Variants in TENM2 observed in about 807,000 individuals in gnomAD.
TENM2 encodes teneurin transmembrane protein 2.
In TENM2, 52 loss-of-function variants were observed where a neutral mutation model predicts 245.2. The observed-to-expected ratio is 0.21, with a 90% CI of 0.17 to 0.27. The LOEUF is 0.27. Among genes scored for constraint, TENM2 ranks in the 10% least tolerant of loss-of-function variants. The pLI is 1.00. For synonymous variants in TENM2, 1,363 were observed against 1,438.9 expected (o/e 0.95, Z 1.19); for missense variants, 3,046 against 3,666.8 (o/e 0.83, Z 4.37).
intron 1 of TENM2, among the ~76,000 whole-genome samples, chr5:167,326,197 C>G (rs1338942101): frequency 6.6e-6 from 1 of 152,000 alleles, no homozygotes; most frequent in Non-Finnish European, 1.5e-5. Context: ...GGGAAACTGT[C>G]CTATAAGATC....
intron 5 of TENM2, among the ~76,000 whole-genome samples, chr5:168,042,187 G>T (rs2152013826): frequency 6.6e-6 from 1 of 152,218 alleles, no homozygotes; most frequent in South Asian, 2.1e-4. Flanking sequence ...TGAGCCCCAA[G>T]ACCCAGCAGG....
chr5:167,679,897 G>T (rs747952156), intron 2 of TENM2, among the ~76,000 whole-genome samples: 25 of 152,246 alleles, frequency 1.6e-4, no homozygotes, highest in Non-Finnish European at 3.2e-4. Context: ...CATCATGGTG[G>T]TAATGCTTTT....
intron 2 of TENM2, among the ~76,000 whole-genome samples, chr5:167,376,661 T>C (rs1760771663): frequency 6.6e-6 from 1 of 152,194 alleles, no homozygotes; most frequent in African/African-American, 2.4e-5. Context: ...GGATGTGTCT[T>C]ACTTATGCCT....
intron 13 of TENM2, among the ~76,000 whole-genome samples, chr5:168,176,544 G>A (rs1163570075): frequency 6.6e-6 from 1 of 152,048 alleles, no homozygotes; most frequent in African/African-American, 2.4e-5. Flanking sequence ...TGCCCTCCCT[G>A]TCTAAAGCAG....
intron 1 of TENM2, among the ~76,000 whole-genome samples, chr5:167,322,941 A>G (rs1400626372): frequency 6.6e-6 from 1 of 152,372 alleles, no homozygotes; most frequent in Non-Finnish European, 1.5e-5. Flanking sequence ...TTTAGCAATT[A>G]TAATTCACAG....
chr5:167,156,955 A>G, the TENM2 span, among the ~76,000 whole-genome samples: 141 of 152,264 alleles, frequency 9.3e-4, no homozygotes, highest in African/African-American at 3.3e-3. Flanking sequence ...TTTACATAAT[A>G]CTGTGGTATT....
intron 2 of TENM2, among the ~76,000 whole-genome samples, chr5:167,397,752 C>T (rs982474522): frequency 6.6e-6 from 1 of 152,010 alleles, no homozygotes; most frequent in African/African-American, 2.4e-5. Flanking sequence ...TTGAAGATAC[C>T]AGAATAGCAA....
intron 2 of TENM2, among the ~76,000 whole-genome samples, chr5:167,731,270 A>T (rs1339870508): frequency 6.7e-6 from 1 of 150,072 alleles, no homozygotes; most frequent in Non-Finnish European, 1.5e-5. Flanking sequence ...TTTGAGCGAG[A>T]TGGAAGATGT....
chr5:168,113,550 T>A (rs1794844983), intron 9 of TENM2, among the ~76,000 whole-genome samples: 1 of 145,848 alleles, frequency 6.9e-6, no homozygotes, highest in Non-Finnish European at 1.5e-5. Context: ...AGGTGGCTTA[T>A]CCTGTTACTT....
At position 167,754,237 on chromosome 5, in the gene TENM2, C is replaced by T. The variant is rs181009876; in HGVS notation, c.503-121749C>T. Among the ~76,000 whole-genome samples the T allele has an allele frequency of 2.1e-3, 320 of 152,092 alleles. 1 individual carries two copies. Among genetic ancestry groups the T allele is most frequent in the Middle Eastern group, 3.4e-3 (1 of 294 alleles). On this transcript the variant is annotated intron_variant, in intron 2 of 28. Coordinates refer to ENST00000518659, the Ensembl canonical transcript of TENM2. ...ATCTCTGCTTTATTGGCCCTTTGCA[C>T]GTTAGGAAACACAATAAAAGAGGTA...
At chr5:168,125,607 C>A (rs1356901043) in intron 11 of TENM2, among the ~76,000 whole-genome samples, 1 of 152,152 alleles carries the variant, frequency 6.6e-6, no homozygotes, top group East Asian at 1.9e-4. Context: ...TTCACACTGA[C>A]AAGTCCCTAT....
intron 14 of TENM2, among the ~76,000 whole-genome samples, chr5:168,194,911 G>A (rs1019223287): frequency 6.6e-6 from 1 of 152,166 alleles, no homozygotes; most frequent in Non-Finnish European, 1.5e-5. Flanking sequence ...CCAAACAAAA[G>A]CCAAACAATG....
At chr5:168,124,937 G>A in exon 11 of TENM2, 1 of 1,612,720 alleles carries the variant, frequency 6.2e-7, no homozygotes, top group Non-Finnish European at 8.5e-7. Context: ...GGTCTGAACT[G>A]TGAGCTGGCG....
At chr5:167,984,484 C>T (rs1347020544) in intron 4 of TENM2, among the ~76,000 whole-genome samples, 2 of 152,086 alleles carry the variant, frequency 1.3e-5, no homozygotes, top group East Asian at 3.9e-4. Context: ...GGTGAAACCC[C>T]GTCTCTACTA....
chr5:167,044,421 G>A, the TENM2 span, among the ~76,000 whole-genome samples: 3 of 152,178 alleles, frequency 2.0e-5, no homozygotes, highest in Non-Finnish European at 4.4e-5. Flanking sequence ...GTAGGTTACA[G>A]CATGCATCTA....
At chr5:168,263,582 C>T (rs1276844663), downstream of TENM2, 1 of 152,590 alleles carries the variant, frequency 6.6e-6, no homozygotes, top group Non-Finnish European at 1.5e-5. Flanking sequence ...CTAAGTCTGG[C>T]CTGAGCTAAT....
chr5:167,180,105 T>C, the TENM2 span, among the ~76,000 whole-genome samples: 1 of 128,022 alleles, frequency 7.8e-6, no homozygotes. Context: ...AGTGCTTCCT[T>C]TTTTTTTTTT....
chr5:167,817,898 C>A (rs1234489942), intron 2 of TENM2, among the ~76,000 whole-genome samples: 2 of 152,164 alleles, frequency 1.3e-5, no homozygotes, highest in Non-Finnish European at 2.9e-5. Context: ...GTCCTGTCAC[C>A]TTTGCCCTCC....
chr5:167,293,792 T>C (rs73803144), intron 1 of TENM2, among the ~76,000 whole-genome samples: 2 of 152,244 alleles, frequency 1.3e-5, no homozygotes, highest in African/African-American at 4.8e-5. Context: ...TTTTTAAAAT[T>C]TGTTAGATTC....
Sources: allele counts gnomAD v4.1 joint callset (sites outside exome capture counted in the v4.1 genomes callset), GRCh38; gene constraint gnomAD v4.1.1; transcripts MANE v1.5; gene names NCBI Gene and HGNC (gene_info 2026-07-23, HGNC 2026-07-21).